The following MICU1 variants were observed in gnomAD, a reference collection of about 807,000 sequenced individuals.
MICU1 encodes calcium uptake protein 1, mitochondrial.
MICU1 carries 45 observed loss-of-function variants against 56.8 expected under a neutral mutation model. The observed-to-expected ratio is 0.79, with a 90% CI of 0.62 to 1.02. The LOEUF (loss-of-function observed/expected upper bound fraction) is 1.02. MICU1 is among the 50% of genes least tolerant of loss of function. The pLI is 0.00. For synonymous variants in MICU1, 186 were observed against 195.1 expected (o/e 0.95, Z 0.39); for missense variants, 504 against 587.1 (o/e 0.86, Z 1.46).
intron 6 of MICU1, among the ~76,000 whole-genome samples, chr10:72,506,004 A>AAAAAAAC (rs1554882633): frequency 2.8e-4 from 42 of 151,648 alleles, no homozygotes; most frequent in African/African-American, 1.0e-3. Context: ...AGCAAAAAAA[A>AAAAAAAC]AAAAAAACTA....
intron 6 of MICU1, among the ~76,000 whole-genome samples, chr10:72,495,815 A>G (rs1354227654): frequency 6.6e-6 from 1 of 152,182 alleles, no homozygotes; most frequent in South Asian, 2.1e-4. Context: ...AAATTTAGAC[A>G]GTCTAACTAA....
chr10:72,569,812 G>A (rs12770378), intron 1 of MICU1, among the ~76,000 whole-genome samples: 95,665 of 151,980 alleles, frequency 0.63, 31,644 homozygotes, highest in African/African-American at 0.72. Context: ...CTGTTTTAAT[G>A]CACCAGATGG....
chr10:72,438,029 A>G (rs1032852871), intron 8 of MICU1, among the ~76,000 whole-genome samples: 35 of 152,344 alleles, frequency 2.3e-4, no homozygotes, highest in Non-Finnish European at 4.9e-4. Context: ...ATTTGAACTC[A>G]GCTCTGCAAC....
chr10:72,375,947 G>A (rs1460222998), intron 10 of MICU1, 75 bp from the exon 11 acceptor site: 7 of 1,321,190 alleles, frequency 5.3e-6, no homozygotes, highest in Admixed American at 4.2e-5. Context: ...GGGATAAAAC[G>A]ACTCAGTCAT....
chr10:72,524,029 CA>C, intron 5 of MICU1: 10 of 1,225,618 alleles, frequency 8.2e-6, no homozygotes, highest in Non-Finnish European at 1.0e-5. Flanking sequence ...TAAGAAATTT[CA>C]AAAGAAAAAA....
intron 7 of MICU1, among the ~76,000 whole-genome samples, chr10:72,475,522 G>A (rs12241408): frequency 2.6e-5 from 4 of 151,464 alleles, no homozygotes; most frequent in East Asian, 1.9e-4. Context: ...TCCACCTCCC[G>A]GGTTCAAGCA....
chr10:72,542,686 G>A (rs537301760), intron 4 of MICU1, among the ~76,000 whole-genome samples: 10 of 152,308 alleles, frequency 6.6e-5, no homozygotes, highest in East Asian at 1.9e-4. Flanking sequence ...ACAGCTCAGC[G>A]GGCCCTCTGC....
intron 8 of MICU1, among the ~76,000 whole-genome samples, chr10:72,445,097 AG>A (rs1865066424): frequency 6.6e-6 from 1 of 152,196 alleles, no homozygotes; most frequent in Non-Finnish European, 1.5e-5. Flanking sequence ...AATAATATTC[AG>A]CTCATATCTA....
chr10:72,385,597 C>G (rs543435889), intron 10 of MICU1, among the ~76,000 whole-genome samples: 2 of 152,262 alleles, frequency 1.3e-5, no homozygotes, highest in African/African-American at 2.4e-5. Context: ...TTAAATGTCC[C>G]TATCTTCAGA....
chr10:72,419,613 C>T (rs530503268), intron 9 of MICU1, among the ~76,000 whole-genome samples: 1 of 152,316 alleles, frequency 6.6e-6, no homozygotes, highest in South Asian at 2.1e-4. Context: ...ACATTTCTTG[C>T]ACAAAGACTA....
intron 4 of MICU1, among the ~76,000 whole-genome samples, chr10:72,537,800 A>G (rs1839674443): frequency 6.6e-6 from 1 of 152,160 alleles, no homozygotes; most frequent in African/African-American, 2.4e-5. Flanking sequence ...ACTGTTAAGA[A>G]TAGTCTCAGT....
intron 9 of MICU1, among the ~76,000 whole-genome samples, chr10:72,415,252 G>C (rs1399568349): frequency 6.6e-6 from 1 of 152,074 alleles, no homozygotes; most frequent in African/African-American, 2.4e-5. Context: ...CTGACCTCAG[G>C]TGATCCAACT....
chr10:72,538,001 C>T (rs1490794530), intron 4 of MICU1, among the ~76,000 whole-genome samples: 1 of 152,076 alleles, frequency 6.6e-6, no homozygotes, highest in Non-Finnish European at 1.5e-5. Context: ...TGTGGGAGTT[C>T]TGAGGGTGGA....
chr10:72,428,395 T>A (rs1864417665), intron 8 of MICU1, among the ~76,000 whole-genome samples: 1 of 152,222 alleles, frequency 6.6e-6, no homozygotes, highest in Non-Finnish European at 1.5e-5. Context: ...CACTGCAACC[T>A]CTGCCTCCCA....
chr10:72,468,064 A>T (rs1453361624), intron 8 of MICU1: 1 of 152,056 alleles, frequency 6.6e-6, no homozygotes, highest in African/African-American at 2.4e-5. Context: ...CAAACTCCTG[A>T]CCTCAGGTTA....
At chr10:72,492,759 T>C (rs925370444) in intron 6 of MICU1, among the ~76,000 whole-genome samples, 39 of 111,468 alleles carry the variant, frequency 3.5e-4, no homozygotes, top group Non-Finnish European at 5.7e-4. Flanking sequence ...CAAGACTCTG[T>C]CTCAAAATAA....
At chr10:72,523,009 T>C (rs925843224) in intron 5 of MICU1, among the ~76,000 whole-genome samples, 1 of 152,062 alleles carries the variant, frequency 6.6e-6, no homozygotes, top group Non-Finnish European at 1.5e-5. Context: ...CCTTAAACAG[T>C]GAAAGTTTAA....
intron 10 of MICU1, among the ~76,000 whole-genome samples, chr10:72,402,090 A>G (rs1183981368): frequency 6.6e-6 from 1 of 152,166 alleles, no homozygotes; most frequent in East Asian, 1.9e-4. Flanking sequence ...CCAGGGATGA[A>G]GAATGTCTAT....
chr10:72,523,902 T>C (rs975366357), intron 5 of MICU1: 21 of 1,511,616 alleles, frequency 1.4e-5, no homozygotes, highest in Non-Finnish European at 1.8e-5. Flanking sequence ...ATTAAAGTCA[T>C]TGATTAGCTC....
Sources: gnomAD v4.1 joint callset for allele counts (sites outside exome capture counted in the v4.1 genomes callset) on GRCh38, gnomAD v4.1.1 for gene constraint, MANE v1.5 for transcripts, NCBI Gene and HGNC (gene_info 2026-07-23, HGNC 2026-07-21) for gene names.